The following PARVB variants were observed in gnomAD, a reference collection of about 807,000 sequenced individuals.
PARVB encodes the protein parvin beta.
In PARVB, 46 loss-of-function variants were observed where a neutral mutation model predicts 47.0. The ratio of observed to expected loss-of-function variants is 0.98; its 90% CI spans 0.77 to 1.25. The LOEUF is 1.25. Among genes scored for constraint, PARVB ranks in the 50% most tolerant of loss-of-function variants. PARVB has a pLI of 0.00. For synonymous variants in PARVB, 196 were observed against 196.3 expected, an observed-to-expected ratio of 1.00 and a Z score of 0.01; for missense variants, 473 against 471.6, an observed-to-expected ratio of 1.00 and a Z score of -0.03.
chr22:44,018,934 A>G (rs2050614171), intron 2 of PARVB, among the ~76,000 whole-genome samples: 1 of 152,146 alleles, frequency 6.6e-6, no homozygotes. Flanking sequence ...TTATTTATTT[A>G]GAGACAAAGT....
At chr22:44,151,291 G>A in intron 9 of PARVB, 192 bp from the exon 10 acceptor site, 3 of 557,774 alleles carry the variant, frequency 5.4e-6, no homozygotes, top group East Asian at 6.1e-5. Flanking sequence ...GGATAGATGT[G>A]GGCATTATGC....
chr22:44,159,185 C>G (rs1168852242), intron 11 of PARVB, among the ~76,000 whole-genome samples: 3 of 152,204 alleles, frequency 2.0e-5, no homozygotes, highest in Admixed American at 6.5e-5. Flanking sequence ...AAGGTCAGAC[C>G]ATCCAGCGAA....
intron 1 of PARVB, among the ~76,000 whole-genome samples, chr22:44,065,492 A>G (rs1006799811): frequency 6.6e-6 from 1 of 151,946 alleles, no homozygotes; most frequent in Non-Finnish European, 1.5e-5. Context: ...GTTTATTTCA[A>G]CAGGTTTTTG....
At chr22:44,152,866 T>G (rs2053840563) in intron 10 of PARVB, 3 of 152,358 alleles carry the variant, frequency 2.0e-5, no homozygotes, top group Non-Finnish European at 2.9e-5. Flanking sequence ...CATTCCCTTC[T>G]CTTTCTTTAA....
At chr22:44,070,604 A>AG (rs1442341595) in intron 1 of PARVB, among the ~76,000 whole-genome samples, 1 of 152,206 alleles carries the variant, frequency 6.6e-6, no homozygotes, top group Non-Finnish European at 1.5e-5. Context: ...TTTCTAGAGG[A>AG]GAAACCAGAG....
chr22:44,141,750 A>G (rs2053555855), intron 8 of PARVB: 4 of 152,184 alleles, frequency 2.6e-5, no homozygotes, highest in Admixed American at 2.6e-4. Context: ...GGCTTTCTTT[A>G]CTAGACCTTA....
upstream of PARVB, among the ~76,000 whole-genome samples, chr22:44,023,421 G>A (rs1432404821): frequency 6.6e-6 from 1 of 152,048 alleles, no homozygotes; most frequent in African/African-American, 2.4e-5. Context: ...TGAGACAGGA[G>A]AATCGCTTTA....
Position 44,125,467 on chromosome 22 carries a change from TG to T in PARVB, c.377-6018del, listed in dbSNP as rs956502500. On this transcript the variant is annotated intron_variant, in intron 4 of 12. Transcript: ENST00000338758. The surrounding 1 kb of genome is among the most constrained non-coding windows in gnomAD (Gnocchi z 4.1). ...AGTAATAGAAGGTTATGGGGTACAGTGGTGGGTGGGGGTTGGGGAAGGCAAT... is the reference window on the plus strand; with the variant it reads ...AGTAATAGAAGGTTATGGGGTACAGTGTGGGTGGGGGTTGGGGAAGGCAAT... 6.6e-6 allele frequency among the ~76,000 whole-genome samples: 1 copy of T among 151,546 alleles called. No homozygotes were observed. The highest frequency in any genetic ancestry group is 2.4e-5 in the African/African-American group (1 of 41,220).
rs1290545886 is a variant in PARVB at position 44,170,744 on chromosome 22, A to G, written c.*2066A>G. 1 of 152,162 alleles carries G rather than the reference A, an allele frequency of 6.6e-6. No homozygotes were observed. The highest frequency in any genetic ancestry group is 1.5e-5 in the Non-Finnish European group (1 of 68,048). The allele number at this position is 152,162 out of a possible 1,614,324, so 9.4% of individuals were successfully genotyped here. ...ACCCCCTGGGGTGCACCTGCTGCAA[A>G]GCAGCCCCCTTCCTTGGCATCTCTC... On this transcript the variant is annotated 3_prime_UTR_variant, in exon 13 of 13. Transcript: ENST00000338758.
At chr22:44,121,551 C>T (rs2053047578) in intron 4 of PARVB, among the ~76,000 whole-genome samples, 2 of 88,716 alleles carry the variant, frequency 2.3e-5, no homozygotes, top group South Asian at 6.7e-4. Flanking sequence ...TCTCCTGTGT[C>T]CTTTTTTAAA....
chr22:44,077,253 G>A lies in PARVB; in HGVS notation c.113-16675G>A, dbSNP rs116814685. Among the ~76,000 whole-genome samples the A allele has an allele frequency of 5.9e-3, 902 of 152,304 alleles. 10 individuals carry two copies. The highest frequency in any genetic ancestry group is 0.02 in the African/African-American group (818 of 41,558). On this transcript the variant is annotated intron_variant, in intron 1 of 12. Coordinates refer to ENST00000338758, the MANE Select transcript of PARVB (RefSeq NM_013327.5). ...CCCCCTTGGCCTCTTCCAGGCTGTG[G>A]TGGCTCTGGTGTTCCCTGCCGTGGG...
Position 44,103,840 on chromosome 22 carries a change from GA to G in PARVB, c.273+3720del, listed in dbSNP as rs1323586719. 4 of 152,246 alleles carry G rather than the reference GA, an allele frequency of 2.6e-5. No homozygotes were observed. Among genetic ancestry groups the G allele is most frequent in the African/African-American group, 9.6e-5 (4 of 41,468 alleles). 9.4% of individuals were successfully genotyped at this position (152,246 alleles called of 1,614,324 possible). A position where few individuals can be genotyped will look rare whatever the true frequency, so the allele number is the denominator to read the frequency against. On this transcript the variant is annotated intron_variant, in intron 3 of 12. Transcript: ENST00000338758. This position sits in a 1 kb window ranked among gnomAD's most constrained non-coding sequence, Gnocchi z 4.6. Reference sequence around the variant, plus strand: ...TGCCTCTAGAAGTGGAAAAGACAAAGAAATGGATTCTCCACTAGAGAACCCA... The same window carrying G: ...TGCCTCTAGAAGTGGAAAAGACAAAGAATGGATTCTCCACTAGAGAACCCA...
intron 1 of PARVB, chr22:44,081,513 T>C: frequency 3.0e-6 from 2 of 660,650 alleles, no homozygotes; most frequent in Non-Finnish European, 1.9e-6. Flanking sequence ...CCTGGATACA[T>C]TGGGACGTTA....
At chr22:44,004,629 C>G (rs905219784) in intron 2 of PARVB, among the ~76,000 whole-genome samples, 2 of 152,226 alleles carry the variant, frequency 1.3e-5, no homozygotes, top group Non-Finnish European at 2.9e-5. Context: ...TTGTTTCTTG[C>G]TTCTGTAACT....
At chr22:44,025,629 C>G (rs1366532793) in intron 1 of PARVB, among the ~76,000 whole-genome samples, 2 of 152,176 alleles carry the variant, frequency 1.3e-5, no homozygotes, top group Non-Finnish European at 2.9e-5. Context: ...ATAGGTCACT[C>G]TTCTCTCAAG....
chr22:44,046,092 C>G (rs1193110788), intron 1 of PARVB, among the ~76,000 whole-genome samples: 1 of 152,172 alleles, frequency 6.6e-6, no homozygotes, highest in Non-Finnish European at 1.5e-5. Flanking sequence ...TTTCCCTTCG[C>G]AATGTTTTGT....
chr22:44,152,738 G>A (rs1446019221), intron 10 of PARVB: 1 of 152,024 alleles, frequency 6.6e-6, no homozygotes, highest in African/African-American at 2.4e-5. Context: ...GAGCATTAAA[G>A]ACAAAATATG....
chr22:44,093,458 C>T (rs1386952635), intron 1 of PARVB, among the ~76,000 whole-genome samples: 1 of 152,200 alleles, frequency 6.6e-6, no homozygotes, highest in Non-Finnish European at 1.5e-5. Context: ...TCACCAGTGA[C>T]CCCACTTTAA....
At chr22:44,069,773 C>T (rs985120654) in intron 1 of PARVB, among the ~76,000 whole-genome samples, 1 of 152,168 alleles carries the variant, frequency 6.6e-6, no homozygotes, top group African/African-American at 2.4e-5. Context: ...AGGTGATCCA[C>T]CCACCTCGGC....
Sources: allele counts gnomAD v4.1 joint callset (sites outside exome capture counted in the v4.1 genomes callset), GRCh38; gene constraint gnomAD v4.1.1; non-coding constraint Gnocchi (gnomAD v3.1); transcripts MANE v1.5; gene names NCBI Gene and HGNC (gene_info 2026-07-23, HGNC 2026-07-21).